PRKG1: variants seen among roughly 807,000 people sequenced by gnomAD.
PRKG1 encodes the protein protein kinase cGMP-dependent 1.
PRKG1 carries 35 observed loss-of-function variants against 88.1 expected under a neutral mutation model. The ratio of observed to expected loss-of-function variants is 0.40; its 90% CI spans 0.30 to 0.53. The LOEUF is 0.53. Ranked by LOEUF, PRKG1 falls within the 20% of genes least tolerant of loss-of-function variation. PRKG1 has a pLI of 0.59. For synonymous variants in PRKG1, 303 were observed against 292.5 expected, an observed-to-expected ratio of 1.04 and a Z score of -0.37; for missense variants, 540 against 839.8, an observed-to-expected ratio of 0.64 and a Z score of 4.41.
chr10:51,890,892 G>T (rs918634248), intron 4 of PRKG1, among the ~76,000 whole-genome samples: 1 of 152,128 alleles, frequency 6.6e-6, no homozygotes, highest in Non-Finnish European at 1.5e-5. Context: ...GGAGGTGTAG[G>T]TTGCAGTGAG....
intron 2 of PRKG1, among the ~76,000 whole-genome samples, chr10:51,318,106 C>G (rs940597982): frequency 5.3e-5 from 8 of 152,150 alleles, no homozygotes; most frequent in Non-Finnish European, 1.2e-4. Context: ...ACTGGGAACT[C>G]TTTGGAGACA....
At position 52,164,006 on chromosome 10, in the gene PRKG1, G is replaced by A. The variant is rs75274356; in HGVS notation, c.1076+2043G>A. Among the ~76,000 whole-genome samples, 544 of 152,174 alleles carry A rather than the reference G, an allele frequency of 3.6e-3. 12 individuals carry two copies. The South Asian group carries it at 0.043, about 12-fold the overall frequency. ...TCTCAGTTTTCACATTTTTAAAATG[G>A]CGTTTTTGAGATTTAATTGATGGCA... On this transcript the variant is annotated intron_variant, in intron 9 of 17. Transcript: ENST00000373980.
intron 3 of PRKG1, among the ~76,000 whole-genome samples, chr10:51,727,212 G>A (rs928945032): frequency 7.9e-5 from 12 of 151,336 alleles, no homozygotes; most frequent in Admixed American, 1.3e-4. Flanking sequence ...GGGCTGAGAC[G>A]GGAGGATACC....
chr10:51,577,691 A>C (rs903934624), intron 3 of PRKG1, among the ~76,000 whole-genome samples: 4 of 152,046 alleles, frequency 2.6e-5, no homozygotes, highest in Non-Finnish European at 2.9e-5. Flanking sequence ...CCATCCTATA[A>C]ACAAAAGCAT....
intron 7 of PRKG1, among the ~76,000 whole-genome samples, chr10:52,124,097 A>C (rs952632478): frequency 3.3e-5 from 5 of 152,186 alleles, no homozygotes; most frequent in Admixed American, 6.5e-5. Context: ...ACACTGGACA[A>C]AGGGAGGGGT....
At chr10:52,126,352 G>C (rs1301396690) in intron 7 of PRKG1, among the ~76,000 whole-genome samples, 1 of 151,982 alleles carries the variant, frequency 6.6e-6, no homozygotes, top group Non-Finnish European at 1.5e-5. Context: ...TCATAATAAA[G>C]GTGGATTTTC....
At chr10:52,176,614 A>T (rs1020436861) in intron 9 of PRKG1, among the ~76,000 whole-genome samples, 4 of 152,280 alleles carry the variant, frequency 2.6e-5, no homozygotes, top group African/African-American at 9.6e-5. Context: ...TTTGGCTAGT[A>T]TGAACATTTT....
chr10:51,623,001 A>C (rs941117393), intron 3 of PRKG1, among the ~76,000 whole-genome samples: 39 of 152,346 alleles, frequency 2.6e-4, no homozygotes, highest in African/African-American at 9.1e-4. Flanking sequence ...AATTTCTCTC[A>C]GTTAAAAATA....
intron 2 of PRKG1, among the ~76,000 whole-genome samples, chr10:51,253,829 G>A (rs77223886): frequency 2.6e-5 from 4 of 151,880 alleles, no homozygotes; most frequent in African/African-American, 4.8e-5. Flanking sequence ...TCAAAGGAAC[G>A]TAGATCTTAT....
At chr10:52,012,907 A>G (rs1156483803) in intron 5 of PRKG1, among the ~76,000 whole-genome samples, 2 of 152,348 alleles carry the variant, frequency 1.3e-5, no homozygotes, top group Non-Finnish European at 1.5e-5. Flanking sequence ...TGTGGTAATT[A>G]TTATACTAGT....
intron 5 of PRKG1, among the ~76,000 whole-genome samples, chr10:51,941,782 C>A (rs1353125271): frequency 1.3e-5 from 2 of 151,836 alleles, no homozygotes; most frequent in Non-Finnish European, 2.9e-5. Context: ...AGGACATGAA[C>A]TCATCCTTTT....
chr10:51,977,463 G>A (rs531833074), intron 5 of PRKG1, among the ~76,000 whole-genome samples: 63 of 151,944 alleles, frequency 4.1e-4, no homozygotes, highest in African/African-American at 1.5e-3. Flanking sequence ...TAGAATGATT[G>A]ATATTCTTTG....
intron 3 of PRKG1, among the ~76,000 whole-genome samples, chr10:51,644,681 CCCTTAATT>C (rs1839875537): frequency 6.6e-6 from 1 of 152,022 alleles, no homozygotes; most frequent in Admixed American, 6.6e-5. Context: ...TCTTCAATGA[CCCTTAATT>C]CCTTTCAGAA....
chr10:52,159,238 A>C (rs936283932), intron 8 of PRKG1, among the ~76,000 whole-genome samples: 1 of 151,552 alleles, frequency 6.6e-6, no homozygotes, highest in Non-Finnish European at 1.5e-5. Context: ...ATATTTTTAC[A>C]GGTCTTTTGT....
At chr10:52,238,471 C>T (rs1311635111) in intron 9 of PRKG1, among the ~76,000 whole-genome samples, 1 of 151,886 alleles carries the variant, frequency 6.6e-6, no homozygotes, top group Non-Finnish European at 1.5e-5. Context: ...AACAAATTTA[C>T]AAGAAAGAAA....
chr10:51,845,047 G>C (rs972203660), intron 4 of PRKG1, among the ~76,000 whole-genome samples: 3 of 151,962 alleles, frequency 2.0e-5, no homozygotes, highest in African/African-American at 7.2e-5. Context: ...TTCTAAATTG[G>C]CTTTATGTAG....
intron 2 of PRKG1, among the ~76,000 whole-genome samples, chr10:51,357,003 G>T (rs1245459232): frequency 6.6e-6 from 1 of 151,988 alleles, no homozygotes; most frequent in African/African-American, 2.4e-5. Flanking sequence ...GTAAGTGGTT[G>T]TTAAGGGAAG....
intron 7 of PRKG1, among the ~76,000 whole-genome samples, chr10:52,130,713 C>T (rs1837229702): frequency 2.0e-5 from 3 of 152,110 alleles, no homozygotes; most frequent in Admixed American, 1.3e-4. Context: ...TTATGAAGAA[C>T]CCAATGAGCA....
At chr10:52,206,053 A>G (rs942863768) in intron 9 of PRKG1, among the ~76,000 whole-genome samples, 6 of 152,120 alleles carry the variant, frequency 3.9e-5, no homozygotes, top group East Asian at 3.9e-4. Context: ...AGGGATTCCA[A>G]TGAGTCATAG....
Sources: gnomAD v4.1 joint callset for allele counts (sites outside exome capture counted in the v4.1 genomes callset) on GRCh38, gnomAD v4.1.1 for gene constraint, MANE v1.5 for transcripts, NCBI Gene and HGNC (gene_info 2026-07-23, HGNC 2026-07-21) for gene names.